The following PLAC1 variants were observed in gnomAD, a reference collection of about 807,000 sequenced individuals.
The protein encoded by PLAC1 is placenta-specific protein 1.
For missense variants in PLAC1, 136 were observed against 163.2 expected (o/e 0.83, Z 0.91); for synonymous variants, 68 against 62.1 (o/e 1.09, Z -0.44).
intron 2 of PLAC1, among the ~76,000 whole-genome samples, chrX:134,708,798 A>G (rs2147832536): frequency 9.0e-6 from 1 of 111,644 alleles, no homozygotes; most frequent in East Asian, 2.8e-4. Flanking sequence ...TCGGCCTCCC[A>G]AAGTGCTGGG....
At chrX:134,735,087 A>G (rs1444305083) in intron 1 of PLAC1, among the ~76,000 whole-genome samples, 1 of 111,941 alleles carries the variant, frequency 8.9e-6, no homozygotes, top group Non-Finnish European at 1.9e-5. Context: ...CATATCACCT[A>G]TATTTTCTTG....
chrX:134,694,627 T>C (rs748491016), intron 2 of PLAC1, among the ~76,000 whole-genome samples: 7 of 111,997 alleles, frequency 6.3e-5, no homozygotes, highest in Non-Finnish European at 1.1e-4. Context: ...AAAGTAACTA[T>C]AATGTTCTGA....
At chrX:134,723,745 C>A (rs752909089) in intron 2 of PLAC1, among the ~76,000 whole-genome samples, 2 of 111,652 alleles carry the variant, frequency 1.8e-5, no homozygotes, top group South Asian at 7.4e-4. Flanking sequence ...GTAAAAATGA[C>A]TTTGCTATTT....
intron 2 of PLAC1, among the ~76,000 whole-genome samples, chrX:134,580,999 C>A (rs2077971360): frequency 8.9e-6 from 1 of 111,977 alleles, no homozygotes; most frequent in Admixed American, 9.5e-5. Context: ...AAAAAGGGTA[C>A]CACACATTCT....
intron 1 of PLAC1, among the ~76,000 whole-genome samples, chrX:134,645,056 A>G (rs1336694004): frequency 9.0e-6 from 1 of 111,622 alleles, no homozygotes; most frequent in Non-Finnish European, 1.9e-5. Flanking sequence ...GCTGCACCCA[A>G]TCTAACACAG....
intron 2 of PLAC1, among the ~76,000 whole-genome samples, chrX:134,721,335 G>A (rs1400788181): frequency 1.8e-5 from 2 of 111,452 alleles, no homozygotes; most frequent in East Asian, 2.8e-4. Context: ...CACTTTGGGA[G>A]GCTACAGCAG....
At chrX:134,594,884 A>T (rs2078055479) in intron 2 of PLAC1, among the ~76,000 whole-genome samples, 1 of 96,106 alleles carries the variant, frequency 1.0e-5, no homozygotes, top group Non-Finnish European at 2.1e-5. Flanking sequence ...TATCTTTATT[A>T]TTTCCTTCCT....
chrX:134,659,315 A>C (rs1227974985), upstream of PLAC1, among the ~76,000 whole-genome samples: 1 of 112,013 alleles, frequency 8.9e-6, no homozygotes, highest in East Asian at 2.8e-4. Flanking sequence ...TTTTTCAAAA[A>C]TTTAAATATG....
At chrX:134,660,905 C>G (rs947694298), upstream of PLAC1, among the ~76,000 whole-genome samples, 1 of 111,638 alleles carries the variant, frequency 9.0e-6, no homozygotes, top group Non-Finnish European at 1.9e-5. Flanking sequence ...TCAAGAGCAC[C>G]AAGTTGTTTA....
intron 2 of PLAC1, among the ~76,000 whole-genome samples, chrX:134,578,434 A>AG (rs1292019426): frequency 4.8e-5 from 1 of 20,867 alleles, no homozygotes; most frequent in Admixed American, 9.1e-4. Context: ...AAAAAAGAAA[A>AG]GAAAAAAAAA....
chrX:134,663,620 C>A (rs778703680), intron 2 of PLAC1, among the ~76,000 whole-genome samples: 1 of 112,522 alleles, frequency 8.9e-6, no homozygotes. Flanking sequence ...AAACACACAT[C>A]TGAGCCATCT....
At chrX:134,614,967 C>T (rs2124401832) in intron 1 of PLAC1, among the ~76,000 whole-genome samples, 1 of 111,665 alleles carries the variant, frequency 9.0e-6, no homozygotes, top group Admixed American at 9.5e-5. Flanking sequence ...ATTTCTTTAT[C>T]CATGCATCCA....
chrX:134,650,066 C>T (rs768454345), intron 1 of PLAC1, among the ~76,000 whole-genome samples: 1 of 111,978 alleles, frequency 8.9e-6, no homozygotes, highest in South Asian at 3.8e-4. Flanking sequence ...TCTAAACAGA[C>T]AGGCCTTACT....
At chrX:134,632,653 C>T (rs2078267773) in intron 1 of PLAC1, among the ~76,000 whole-genome samples, 1 of 111,991 alleles carries the variant, frequency 8.9e-6, no homozygotes, top group South Asian at 3.8e-4. Context: ...GTGCTGACCA[C>T]GTGTTAAACC....
chrX:134,581,348 C>A (rs781683452), intron 2 of PLAC1, among the ~76,000 whole-genome samples: 2 of 111,015 alleles, frequency 1.8e-5, no homozygotes, highest in African/African-American at 3.3e-5. Flanking sequence ...GGGGCACTTA[C>A]TGAGTTTGAA....
At chrX:134,651,059 C>T in intron 1 of PLAC1, 1 of 279,578 alleles carries the variant, frequency 3.6e-6, no homozygotes, top group Non-Finnish European at 7.4e-6. Flanking sequence ...AAATCCAAGT[C>T]TGGCTAGTAT....
intron 2 of PLAC1, among the ~76,000 whole-genome samples, chrX:134,721,464 A>G (rs1307652859): frequency 9.0e-6 from 1 of 111,072 alleles, no homozygotes; most frequent in Non-Finnish European, 1.9e-5. Flanking sequence ...AGTCCCAGCT[A>G]CTCGGGAGGC....
chrX:134,703,387 G>C (rs1278619788), intron 2 of PLAC1, among the ~76,000 whole-genome samples: 1 of 111,138 alleles, frequency 9.0e-6, no homozygotes, highest in African/African-American at 3.3e-5. Flanking sequence ...AAAAACAATG[G>C]AATAATATTT....
intron 2 of PLAC1, among the ~76,000 whole-genome samples, chrX:134,664,954 T>C (rs905616603): frequency 2.7e-5 from 3 of 111,995 alleles, no homozygotes; most frequent in Non-Finnish European, 5.6e-5. Context: ...CTTGTACATA[T>C]GCTAATTAAA....
Sources: allele counts gnomAD v4.1 joint callset (sites outside exome capture counted in the v4.1 genomes callset), GRCh38; gene constraint gnomAD v4.1.1; transcripts MANE v1.5; gene names NCBI Gene and HGNC (gene_info 2026-07-23, HGNC 2026-07-21).